The following HIBCH variants were observed in gnomAD, a reference collection of about 807,000 sequenced individuals.
The protein encoded by HIBCH is 3-hydroxyisobutyryl-CoA hydrolase, mitochondrial.
A neutral mutation model predicts 58.2 loss-of-function variants in HIBCH; 50 were observed. That is an observed-to-expected ratio of 0.86 (90% CI 0.68 to 1.09). The LOEUF (loss-of-function observed/expected upper bound fraction) is 1.09. HIBCH is among the 50% of genes least tolerant of loss of function. The pLI, the probability that HIBCH is intolerant of heterozygous loss-of-function variation, is 0.00. For synonymous variants in HIBCH, 151 were observed against 146.9 expected, an observed-to-expected ratio of 1.03 and a Z score of -0.20; for missense variants, 450 against 449.7, an observed-to-expected ratio of 1.00 and a Z score of -0.01.
At chr2:190,221,582 G>T (rs1282751186) in intron 11 of HIBCH, among the ~76,000 whole-genome samples, 2 of 152,136 alleles carry the variant, frequency 1.3e-5, no homozygotes, top group African/African-American at 4.8e-5. Context: ...GGGTCCCCCA[G>T]TAAGGGCCCC....
At chr2:190,199,230 C>CAGAT (rs900646064), downstream of HIBCH, among the ~76,000 whole-genome samples, 8 of 152,188 alleles carry the variant, frequency 5.3e-5, no homozygotes, top group East Asian at 1.9e-4. Flanking sequence ...TGTAAAGGGT[C>CAGAT]AGATAGTACA....
rs765397930 is a variant in HIBCH, at chr2:190,243,476, C to T, written c.891+1411G>A. ...GAACCCTGATACACCAACTTAAAGTCGGATTCCTTGAATTATAAAATGACT... is the reference window on the plus strand; with the variant it reads ...GAACCCTGATACACCAACTTAAAGTTGGATTCCTTGAATTATAAAATGACT... On this transcript the variant is annotated intron_variant, in intron 11 of 13. Coordinates refer to ENST00000359678, the MANE Select transcript of HIBCH (RefSeq NM_014362.4). This position sits in a 1 kb window ranked among gnomAD's most constrained non-coding sequence, Gnocchi z 4.1. Among the ~76,000 whole-genome samples, 2 of 152,120 alleles carry T rather than the reference C, an allele frequency of 1.3e-5. No individual in the cohort carries two copies. The highest frequency in any genetic ancestry group is 1.3e-4 in the Admixed American group (2 of 15,270).
intron 9 of HIBCH, 108 bp downstream of exon 9, chr2:190,249,532 G>A: frequency 1.5e-6 from 1 of 672,810 alleles, no homozygotes; most frequent in South Asian, 1.8e-5. Context: ...TAAATCCTTA[G>A]TACATTTATT....
intron 7 of HIBCH, among the ~76,000 whole-genome samples, chr2:190,256,018 A>G (rs1298417045): frequency 1.3e-5 from 2 of 152,196 alleles, no homozygotes; most frequent in African/African-American, 4.8e-5. Flanking sequence ...ACCTTCTCAC[A>G]TGGTAGTAGG....
At chr2:190,246,240 A>C in intron 9 of HIBCH, 28 bp from the exon 10 acceptor site, 2 of 1,325,432 alleles carry the variant, frequency 1.5e-6, no homozygotes, top group Non-Finnish European at 2.2e-6. Context: ...TCTTTTAATA[A>C]ATTTGAACAC....
At chr2:190,193,597 C>A (rs563356600) in intron 1 of HIBCH, among the ~76,000 whole-genome samples, 18 of 152,042 alleles carry the variant, frequency 1.2e-4, no homozygotes, top group African/African-American at 4.3e-4. Flanking sequence ...TCATTTTTTT[C>A]TTGTGCCAAT....
intron 2 of HIBCH, among the ~76,000 whole-genome samples, chr2:190,300,237 G>A (rs926986258): frequency 2.6e-5 from 4 of 152,070 alleles, no homozygotes; most frequent in Non-Finnish European, 4.4e-5. Context: ...TTTAAATCGC[G>A]ACACCGCTTT....
intron 2 of HIBCH, among the ~76,000 whole-genome samples, chr2:190,300,703 C>A (rs60469543): frequency 6.6e-6 from 1 of 151,894 alleles, no homozygotes; most frequent in Non-Finnish European, 1.5e-5. Context: ...TTGTTTTTGG[C>A]GTCTTCGTCA....
At chr2:190,234,696 T>C (rs1156935170) in intron 11 of HIBCH, among the ~76,000 whole-genome samples, 1 of 151,788 alleles carries the variant, frequency 6.6e-6, no homozygotes, top group East Asian at 1.9e-4. Context: ...CTAAAAAATA[T>C]AAAAATTAGC....
chr2:190,227,464 A>G (rs1351441259), intron 11 of HIBCH, among the ~76,000 whole-genome samples: 1 of 152,168 alleles, frequency 6.6e-6, no homozygotes, highest in Non-Finnish European at 1.5e-5. Context: ...AACCATAAAA[A>G]CCCTAGAAGA....
At chr2:190,189,923 A>C (rs1342485322) in exon 2 of HIBCH, 2 of 152,256 alleles carry the variant, frequency 1.3e-5, no homozygotes, top group Non-Finnish European at 2.9e-5. Flanking sequence ...CAATGTAGAA[A>C]GGAAGCAGCA....
In HIBCH at chr2:190,302,324, T is replaced by C. The variant is rs147661852; in HGVS notation, c.79-5371A>G. On this transcript the variant is annotated intron_variant, in intron 2 of 13. Coordinates refer to ENST00000359678, the MANE Select transcript of HIBCH (RefSeq NM_014362.4). Reference sequence around the variant, plus strand: ...TGAATATTCACGAACAGGAGGCACATGCATGTATAGTAAGCTAACATGTAT... The same window carrying C: ...TGAATATTCACGAACAGGAGGCACACGCATGTATAGTAAGCTAACATGTAT... 2.0e-3 allele frequency among the ~76,000 whole-genome samples: 299 copies of C among 152,292 alleles called. 2 individuals are homozygous for C. The highest frequency in any genetic ancestry group is 6.9e-3 in the African/African-American group (288 of 41,546).
chr2:190,275,474 T>C (rs769201467), intron 6 of HIBCH, among the ~76,000 whole-genome samples: 2 of 152,338 alleles, frequency 1.3e-5, no homozygotes, highest in South Asian at 4.1e-4. Context: ...TAATTTGTCA[T>C]AACATACCAG....
chr2:190,296,537 AG>A, intron 3 of HIBCH, among the ~76,000 whole-genome samples: 1 of 152,344 alleles, frequency 6.6e-6, no homozygotes, highest in Non-Finnish European at 1.5e-5. Context: ...TAAAGGTCAG[AG>A]AAATACAGAG....
Position 190,214,507 on chromosome 2 carries a change from T to TTA in HIBCH, c.892-1433_892-1432insTA, listed in dbSNP as rs1488866352. ...ACCAGGAACAAGGAAAAGCAAAAGATGATAGAGTATTGCTGTTTTATCTGG... is the reference window on the plus strand; with the variant it reads ...ACCAGGAACAAGGAAAAGCAAAAGATTAGATAGAGTATTGCTGTTTTATCTGG... On this transcript the variant is annotated intron_variant, in intron 11 of 13. Transcript: ENST00000359678. The surrounding 1 kb of genome is among the most constrained non-coding windows in gnomAD (Gnocchi z 5.5). The TTA allele has an allele frequency of 1.3e-5, 2 of 152,178 alleles. No individual in the cohort carries two copies. The highest frequency in any genetic ancestry group is 4.8e-5 in the African/African-American group (2 of 41,446). The allele number at this position is 152,178 out of a possible 1,614,324, so 9.4% of individuals were successfully genotyped here.
intron 1 of HIBCH, among the ~76,000 whole-genome samples, chr2:190,191,134 C>T (rs1280240360): frequency 3.3e-5 from 5 of 152,046 alleles, no homozygotes; most frequent in African/African-American, 9.7e-5. Context: ...CATTTGCATA[C>T]AATTTTTTTT....
chr2:190,281,465 A>C lies in HIBCH; in HGVS notation c.438+6121T>G, dbSNP rs1054217926. Among the ~76,000 whole-genome samples, 1 of 152,172 alleles carries C rather than the reference A, an allele frequency of 6.6e-6. No individual in the cohort carries two copies. Among genetic ancestry groups the C allele is most frequent in the Non-Finnish European group, 1.5e-5 (1 of 68,036 alleles). ...AGCTTATAGGGGGAGGCCCAAGTCC[A>C]TCACCCAAAACCATTTGTGCCAGAG... On this transcript the variant is annotated intron_variant, in intron 6 of 13. Coordinates refer to ENST00000359678, the MANE Select transcript of HIBCH (RefSeq NM_014362.4). This position sits in a 1 kb window ranked among gnomAD's most constrained non-coding sequence, Gnocchi z 5.4.
intron 1 of HIBCH, among the ~76,000 whole-genome samples, chr2:190,191,999 G>A (rs1365030186): frequency 6.7e-6 from 1 of 148,504 alleles, no homozygotes; most frequent in Non-Finnish European, 1.5e-5. Flanking sequence ...TTTCTTTCAT[G>A]GTTCATGCTT....
chr2:190,221,613 G>C (rs540348698), intron 11 of HIBCH, among the ~76,000 whole-genome samples: 5 of 151,990 alleles, frequency 3.3e-5, no homozygotes, highest in African/African-American at 1.2e-4. Flanking sequence ...GTGAAACCAC[G>C]GTCCAAAGTG....
Sources: allele counts gnomAD v4.1 joint callset (sites outside exome capture counted in the v4.1 genomes callset), GRCh38; gene constraint gnomAD v4.1.1; non-coding constraint Gnocchi (gnomAD v3.1); transcripts MANE v1.5; gene names NCBI Gene and HGNC (gene_info 2026-07-23, HGNC 2026-07-21).